Variants in INPP5A observed in about 807,000 individuals in gnomAD.
The protein encoded by INPP5A is inositol polyphosphate-5-phosphatase A, also known as 43 kDa inositol polyphosphate 5-phophatase.
INPP5A carries 14 observed loss-of-function variants against 65.2 expected under a neutral mutation model. That is an observed-to-expected ratio of 0.21 (90% CI 0.14 to 0.34). The LOEUF is 0.34. Among genes scored for constraint, INPP5A ranks in the 10% least tolerant of loss-of-function variants. The pLI is 1.00. For synonymous variants in INPP5A, 207 were observed against 208.3 expected, an observed-to-expected ratio of 0.99 and a Z score of 0.05; for missense variants, 431 against 545.6, an observed-to-expected ratio of 0.79 and a Z score of 2.09.
intron 1 of INPP5A, among the ~76,000 whole-genome samples, chr10:132,591,439 G>A (rs922098775): frequency 9.9e-5 from 15 of 152,246 alleles, no homozygotes; most frequent in African/African-American, 3.4e-4. Flanking sequence ...GCTCTATGGC[G>A]CCGAGTCATG....
chr10:132,703,944 C>CA (rs1275831991), intron 6 of INPP5A, among the ~76,000 whole-genome samples: 2 of 132,262 alleles, frequency 1.5e-5, no homozygotes, highest in African/African-American at 2.9e-5. Flanking sequence ...CCCCCACACA[C>CA]ACGCGGCTTC....
intron 2 of INPP5A, among the ~76,000 whole-genome samples, chr10:132,615,532 G>A (rs1001322146): frequency 2.6e-5 from 4 of 152,156 alleles, no homozygotes; most frequent in Admixed American, 2.6e-4. Context: ...TGAACTCTCG[G>A]AACCTGGAAG....
At position 132,637,067 on chromosome 10, in the gene INPP5A, G is replaced by A. The variant is rs764939508; in HGVS notation, c.118-8801G>A. ...CAAGTAGGTAGGACTACAAGCGTGC[G>A]CCACCAGGCCCAGCTAATTTTTGCA... On this transcript the variant is annotated intron_variant, in intron 2 of 15. Coordinates refer to ENST00000368594, the MANE Select transcript of INPP5A (RefSeq NM_005539.5). The surrounding 1 kb of genome is among the most constrained non-coding windows in gnomAD (Gnocchi z 4.1). 5.3e-5 allele frequency among the ~76,000 whole-genome samples: 8 copies of A among 152,122 alleles called. No individual in the cohort carries two copies. The highest frequency in any genetic ancestry group is 1.7e-4 in the African/African-American group (7 of 41,412).
intron 6 of INPP5A, among the ~76,000 whole-genome samples, chr10:132,703,790 C>G: frequency 1.2e-5 from 1 of 86,534 alleles, no homozygotes; most frequent in African/African-American, 4.9e-5. Flanking sequence ...AGCTTCACCC[C>G]CACACACACG....
At chr10:132,765,692 C>A (rs888644690) in intron 11 of INPP5A, 81 bp from the exon 12 acceptor site, 1 of 820,970 alleles carries the variant, frequency 1.2e-6, no homozygotes, top group South Asian at 1.4e-5. Flanking sequence ...AGCATTTGAG[C>A]GTCCCAGCTG....
chr10:132,689,349 T>C (rs960635802), intron 4 of INPP5A, among the ~76,000 whole-genome samples: 2 of 152,180 alleles, frequency 1.3e-5, no homozygotes, highest in South Asian at 4.1e-4. Flanking sequence ...TGCCCTCCTC[T>C]CTGGCCCACC....
intron 1 of INPP5A, among the ~76,000 whole-genome samples, chr10:132,594,881 T>A (rs574794655): frequency 6.6e-6 from 1 of 152,348 alleles, no homozygotes; most frequent in African/African-American, 2.4e-5. Flanking sequence ...TTGCCCTTTG[T>A]TATTGCTCTT....
intron 1 of INPP5A, among the ~76,000 whole-genome samples, chr10:132,539,080 C>G (rs1187628246): frequency 6.6e-6 from 1 of 152,280 alleles, no homozygotes; most frequent in South Asian, 2.1e-4. Flanking sequence ...AAGCTCCTGC[C>G]CCTGAATCCT....
chr10:132,586,226 C>T (rs572328640), intron 1 of INPP5A, among the ~76,000 whole-genome samples: 2 of 152,302 alleles, frequency 1.3e-5, no homozygotes, highest in East Asian at 1.9e-4. Context: ...AAGCAGACTT[C>T]GGGCCTTCTC....
intron 1 of INPP5A, among the ~76,000 whole-genome samples, chr10:132,539,161 C>T (rs1234917887): frequency 1.3e-5 from 2 of 152,148 alleles, no homozygotes; most frequent in Admixed American, 6.5e-5. Flanking sequence ...CCCTTGACTC[C>T]CACCCCTGGC....
At chr10:132,760,856 C>T (rs1424077468) in intron 11 of INPP5A, among the ~76,000 whole-genome samples, 1 of 152,218 alleles carries the variant, frequency 6.6e-6, no homozygotes, top group Non-Finnish European at 1.5e-5. Flanking sequence ...AACTCTGTGG[C>T]AGACAGGCCC....
At chr10:132,690,357 C>T (rs371876752) in intron 4 of INPP5A, 35 bp from the exon 5 acceptor site, 2 of 1,288,206 alleles carry the variant, frequency 1.6e-6, no homozygotes, top group Non-Finnish European at 2.3e-6. Context: ...TTCCCAGCAC[C>T]AGTCTCTCAT....
chr10:132,623,922 G>A (rs1374615670), intron 2 of INPP5A, among the ~76,000 whole-genome samples: 4 of 152,148 alleles, frequency 2.6e-5, no homozygotes, highest in South Asian at 4.1e-4. Context: ...GTAGTCTTTC[G>A]GGAAATGCAG....
At chr10:132,609,958 C>G (rs777133850) in intron 2 of INPP5A, among the ~76,000 whole-genome samples, 7 of 152,200 alleles carry the variant, frequency 4.6e-5, no homozygotes, top group Non-Finnish European at 7.3e-5. Context: ...CCGCTTTTTT[C>G]TTGGTTTATT....
chr10:132,610,480 G>A (rs1032876960), intron 2 of INPP5A, among the ~76,000 whole-genome samples: 3 of 152,364 alleles, frequency 2.0e-5, no homozygotes, highest in Middle Eastern at 3.4e-3. Flanking sequence ...TCCCAAGCGA[G>A]GTGCTGGCCC....
intron 5 of INPP5A, among the ~76,000 whole-genome samples, chr10:132,691,816 T>A (rs939666986): frequency 1.4e-5 from 2 of 145,766 alleles, no homozygotes; most frequent in Non-Finnish European, 3.1e-5. Flanking sequence ...AGACGTGCGG[T>A]CGCGGGAGAC....
intron 12 of INPP5A, among the ~76,000 whole-genome samples, chr10:132,776,401 G>A (rs975432666): frequency 2.6e-5 from 4 of 152,122 alleles, no homozygotes; most frequent in Admixed American, 6.5e-5. Context: ...GCCCACAGGC[G>A]CCCCTGTGGG....
At chr10:132,614,181 G>A (rs7898053) in intron 2 of INPP5A, among the ~76,000 whole-genome samples, 1 of 152,106 alleles carries the variant, frequency 6.6e-6, no homozygotes, top group African/African-American at 2.4e-5. Context: ...CCCAGGCAGA[G>A]CCTGGACGGC....
intron 1 of INPP5A, among the ~76,000 whole-genome samples, chr10:132,581,327 T>G (rs1362839178): frequency 2.6e-5 from 4 of 152,220 alleles, no homozygotes; most frequent in Admixed American, 2.6e-4. Flanking sequence ...CATGTTTTAA[T>G]TATGATGAGC....
Sources: allele counts gnomAD v4.1 joint callset (sites outside exome capture counted in the v4.1 genomes callset), GRCh38; gene constraint gnomAD v4.1.1; non-coding constraint Gnocchi (gnomAD v3.1); transcripts MANE v1.5; gene names NCBI Gene and HGNC (gene_info 2026-07-23, HGNC 2026-07-21).